Variants in CNTN5 observed in about 807,000 individuals in gnomAD.
CNTN5 encodes the protein contactin 5.
A neutral mutation model predicts 129.1 loss-of-function variants in CNTN5; 77 were observed. The observed-to-expected ratio is 0.60, with a 90% CI of 0.50 to 0.72. The LOEUF (loss-of-function observed/expected upper bound fraction) is 0.72, where lower values mean the gene tolerates loss of function less well. Ranked by LOEUF, CNTN5 falls within the 30% of genes least tolerant of loss-of-function variation. The pLI is 0.00. For synonymous variants in CNTN5, 509 were observed against 465.6 expected (o/e 1.09, Z -1.20); for missense variants, 1,478 against 1,328.8 (o/e 1.11, Z -1.75).
In CNTN5 at chr11:99,576,766, C is replaced by G. The variant is rs193174166; in HGVS notation, c.55+20497C>G. Among the ~76,000 whole-genome samples the G allele has an allele frequency of 1.4e-3, 215 of 152,194 alleles. 1 individual carries two copies. The highest frequency in any genetic ancestry group is 2.5e-3 in the Admixed American group (38 of 15,300). On this transcript the variant is annotated intron_variant, in intron 3 of 24. Coordinates refer to ENST00000524871, the MANE Select transcript of CNTN5 (RefSeq NM_014361.4). ...TCATAGATGGTGCCTTCTCAGTGTA[C>G]CCTCATCACTTGTTGGAAGGAGCAG...
chr11:99,114,072 T>A (rs928579379), intron 1 of CNTN5, among the ~76,000 whole-genome samples: 1 of 152,174 alleles, frequency 6.6e-6, no homozygotes, highest in African/African-American at 2.4e-5. Context: ...TTTATTTTAC[T>A]TATTGTTTAT....
intron 2 of CNTN5, among the ~76,000 whole-genome samples, chr11:99,334,704 C>T (rs1286629156): frequency 6.6e-6 from 1 of 151,594 alleles, no homozygotes; most frequent in Non-Finnish European, 1.5e-5. Flanking sequence ...AAATAAAGTA[C>T]AACACAAGTT....
At chr11:99,147,188 A>G (rs1241067060) in intron 1 of CNTN5, among the ~76,000 whole-genome samples, 2 of 152,210 alleles carry the variant, frequency 1.3e-5, no homozygotes, top group African/African-American at 4.8e-5. Flanking sequence ...AGGTCAGGAC[A>G]CAATTAAAAC....
At chr11:99,880,205 A>C (rs1229839340) in intron 6 of CNTN5, among the ~76,000 whole-genome samples, 2 of 152,228 alleles carry the variant, frequency 1.3e-5, no homozygotes, top group African/African-American at 4.8e-5. Context: ...AAAATCATGA[A>C]AATATAAATG....
rs2135954044 is a variant in CNTN5 at position 99,304,938 on chromosome 11, C to T, written c.-209-20408C>T. On this transcript the variant is annotated intron_variant, in intron 1 of 24. Coordinates refer to ENST00000524871, the MANE Select transcript of CNTN5 (RefSeq NM_014361.4). ...TGGAAAAGAAAGAGGATGTCATGCT[C>T]AGCAAAGGTTACTAATAGATATATC... 2.0e-5 allele frequency among the ~76,000 whole-genome samples: 3 copies of T among 152,264 alleles called. No individual in the cohort carries two copies. The Middle Eastern group carries it at 0.01, about 518-fold the overall frequency.
At chr11:99,993,204 T>G (rs1271305049) in intron 8 of CNTN5, among the ~76,000 whole-genome samples, 2 of 152,160 alleles carry the variant, frequency 1.3e-5, no homozygotes, top group African/African-American at 4.8e-5. Context: ...ATGTAGTACA[T>G]ATAGTATGCC....
At chr11:99,642,669 C>T (rs662511) in intron 3 of CNTN5, among the ~76,000 whole-genome samples, 91,639 of 152,032 alleles carry the variant, frequency 0.6, 28,422 homozygotes, top group Admixed American at 0.69. Flanking sequence ...ACTGTAGTCA[C>T]GCTACTGTAC....
intron 6 of CNTN5, among the ~76,000 whole-genome samples, chr11:99,880,323 A>G (rs1019525583): frequency 3.9e-5 from 6 of 152,208 alleles, no homozygotes; most frequent in Non-Finnish European, 5.9e-5. Flanking sequence ...TGCTTATGCA[A>G]TAATACTCAT....
At chr11:99,245,807 G>A (rs916642735) in intron 1 of CNTN5, among the ~76,000 whole-genome samples, 4 of 152,078 alleles carry the variant, frequency 2.6e-5, no homozygotes, top group African/African-American at 9.7e-5. Flanking sequence ...GGGATGTACG[G>A]GACTGTCTTG....
At chr11:99,912,813 A>G (rs1031554454) in intron 6 of CNTN5, among the ~76,000 whole-genome samples, 1 of 152,022 alleles carries the variant, frequency 6.6e-6, no homozygotes, top group Non-Finnish European at 1.5e-5. Context: ...TGATCACAAA[A>G]TTTCTCATCT....
At position 99,891,335 on chromosome 11, in the gene CNTN5, A is replaced by C. The variant is rs192162725; in HGVS notation, c.578-24719A>C. ...TTTTTTGATGTCCCAATATCTTTTTATTATTATTATTATATTTTAAGTTCT... is the reference window on the plus strand; with the variant it reads ...TTTTTTGATGTCCCAATATCTTTTTCTTATTATTATTATATTTTAAGTTCT... On this transcript the variant is annotated intron_variant, in intron 6 of 24. Coordinates refer to ENST00000524871, the MANE Select transcript of CNTN5 (RefSeq NM_014361.4). Among the ~76,000 whole-genome samples, 1,273 of 151,732 alleles carry C rather than the reference A, an allele frequency of 8.4e-3. 14 individuals carry two copies. Among genetic ancestry groups the C allele is most frequent in the Non-Finnish European group, 0.012 (840 of 67,880 alleles).
chr11:99,851,475 T>C (rs1947871700), intron 6 of CNTN5, among the ~76,000 whole-genome samples: 1 of 152,192 alleles, frequency 6.6e-6, no homozygotes, highest in Non-Finnish European at 1.5e-5. Flanking sequence ...TATAAAACTT[T>C]GTCACTCTCA....
chr11:99,877,606 TAGTTTA>T (rs1276335389), intron 6 of CNTN5, among the ~76,000 whole-genome samples: 1 of 56,306 alleles, frequency 1.8e-5, no homozygotes, highest in Non-Finnish European at 4.0e-5. Flanking sequence ...TCATAATCTT[TAGTTTA>T]AAAAAAAAAT....
chr11:99,596,319 A>T (rs1032744422), intron 3 of CNTN5, among the ~76,000 whole-genome samples: 2 of 152,208 alleles, frequency 1.3e-5, no homozygotes, highest in Non-Finnish European at 2.9e-5. Context: ...TGACTATCCT[A>T]CTAATAGCAT....
At chr11:99,299,485 A>G (rs1368499572) in intron 1 of CNTN5, among the ~76,000 whole-genome samples, 1 of 152,184 alleles carries the variant, frequency 6.6e-6, no homozygotes, top group Non-Finnish European at 1.5e-5. Flanking sequence ...AGGTAAACCA[A>G]TAGTGGTTAT....
In CNTN5 at chr11:99,083,035, C is replaced by G. The variant is rs202017197; in HGVS notation, c.-210+61765C>G. Among the ~76,000 whole-genome samples the G allele has an allele frequency of 8.9e-5, 7 of 78,502 alleles. No individual in the cohort carries two copies. In the Admixed American group the frequency reaches 1.2e-3, roughly 13 times the overall value. The allele number at this position is 78,502 out of a possible 152,430, so 51.5% of individuals were successfully genotyped here. ...AAAATATTACAATAAATGATTTAAA[C>G]ACACACACACACACACACACACGAA... On this transcript the variant is annotated intron_variant, in intron 1 of 24. Transcript: ENST00000524871.
At chr11:100,160,561 CAG>C (rs1947413632) in intron 13 of CNTN5, among the ~76,000 whole-genome samples, 1 of 151,802 alleles carries the variant, frequency 6.6e-6, no homozygotes, top group Admixed American at 6.6e-5. Context: ...GAGTGAGAAA[CAG>C]AGATACTAAA....
chr11:99,200,142 G>C (rs1358498720), intron 1 of CNTN5, among the ~76,000 whole-genome samples: 1 of 151,980 alleles, frequency 6.6e-6, no homozygotes, highest in Non-Finnish European at 1.5e-5. Context: ...ATTCCAGCTA[G>C]CTGTGGGCAA....
At chr11:100,238,513 GGAAGAGGAGGAGGGGGTA>G (rs1229722310) in intron 16 of CNTN5, among the ~76,000 whole-genome samples, 2 of 146,716 alleles carry the variant, frequency 1.4e-5, no homozygotes, top group Non-Finnish European at 3.0e-5. Flanking sequence ...AGGAGAAGGG[GGAAGAGGAGGAGGGGGTA>G]GAAGAGGAGG....
Sources: allele counts gnomAD v4.1 joint callset (sites outside exome capture counted in the v4.1 genomes callset), GRCh38; gene constraint gnomAD v4.1.1; transcripts MANE v1.5; gene names NCBI Gene and HGNC (gene_info 2026-07-23, HGNC 2026-07-21).